Variants in LEPR observed in about 807,000 individuals in gnomAD.
The protein encoded by LEPR is leptin receptor, also known as OB receptor.
Under a neutral mutation model 114.7 loss-of-function variants are expected in LEPR, and 56 were observed. That is an observed-to-expected ratio of 0.49 (90% CI 0.39 to 0.61). The LOEUF (loss-of-function observed/expected upper bound fraction) is 0.61, where lower values mean the gene tolerates loss of function less well. LEPR is among the 20% of genes least tolerant of loss of function. LEPR has a pLI of 0.00. For synonymous variants in LEPR, 443 were observed against 461.4 expected (o/e 0.96, Z 0.51); for missense variants, 1,202 against 1,352.9 (o/e 0.89, Z 1.75).
At chr1:65,608,944 T>G in intron 12 of LEPR, 43 bp downstream of exon 12, 1 of 1,609,596 alleles carries the variant, frequency 6.2e-7, no homozygotes, top group South Asian at 1.1e-5. Flanking sequence ...TTAAATGCTA[T>G]TTTTATAATA....
intron 19 of LEPR, chr1:65,629,259 G>C: frequency 3.1e-6 from 1 of 325,724 alleles, no homozygotes; most frequent in Non-Finnish European, 5.9e-6. Context: ...AAAAACATTA[G>C]CACTCTTACG....
intron 19 of LEPR, among the ~76,000 whole-genome samples, chr1:65,624,096 G>A (rs1476820979): frequency 6.6e-6 from 1 of 152,042 alleles, no homozygotes; most frequent in East Asian, 1.9e-4. Context: ...TCCTCCTGCT[G>A]TTCTTTATGT....
intron 7 of LEPR, 147 bp from the exon 8 acceptor site, chr1:65,598,513 T>C (rs1656233161): frequency 8.3e-7 from 1 of 1,205,996 alleles, no homozygotes; most frequent in African/African-American, 1.5e-5. Context: ...TTTTGGTTAT[T>C]GATGTTTGTT....
intron 6 of LEPR, among the ~76,000 whole-genome samples, chr1:65,595,102 T>G (rs1570775596): frequency 1.3e-5 from 2 of 152,006 alleles, no homozygotes; most frequent in African/African-American, 4.8e-5. Flanking sequence ...AGGGGAAGCT[T>G]GAAAAGACAT....
intron 2 of LEPR, among the ~76,000 whole-genome samples, chr1:65,439,787 C>T (rs1428295880): frequency 7.0e-6 from 1 of 143,836 alleles, no homozygotes; most frequent in African/African-American, 2.6e-5. Flanking sequence ...GAGATCATGC[C>T]ATTGCACTCC....
At chr1:65,550,188 G>A (rs540165691) in intron 2 of LEPR, among the ~76,000 whole-genome samples, 1 of 152,286 alleles carries the variant, frequency 6.6e-6, no homozygotes, top group East Asian at 1.9e-4. Flanking sequence ...TGTCTCAGAG[G>A]AGTACCCGGC....
At chr1:65,498,116 T>A (rs1243187356) in intron 2 of LEPR, among the ~76,000 whole-genome samples, 1 of 152,154 alleles carries the variant, frequency 6.6e-6, no homozygotes, top group Non-Finnish European at 1.5e-5. Context: ...ATTTAGAATT[T>A]ACTTTTTGAT....
chr1:65,635,924 G>T (rs945038024), intron 19 of LEPR, among the ~76,000 whole-genome samples: 11 of 152,134 alleles, frequency 7.2e-5, no homozygotes, highest in African/African-American at 2.4e-4. Context: ...GAAATTGAAA[G>T]GCAGAGAGGT....
intron 5 of LEPR, chr1:65,576,917 C>T (rs1654625720): frequency 1.1e-5 from 4 of 359,980 alleles, no homozygotes; most frequent in South Asian, 2.8e-5. Flanking sequence ...CAGTATCATA[C>T]TGTCCAAGTT....
At chr1:65,598,095 C>CTCTTTTTTTTTTTT (rs1656191961) in intron 7 of LEPR, among the ~76,000 whole-genome samples, 1 of 101,490 alleles carries the variant, frequency 9.9e-6, no homozygotes, top group Non-Finnish European at 1.9e-5. Context: ...CCTCCTGCCT[C>CTCTTTTTTTTTTTT]TTTTTTTTTT....
chr1:65,525,733 G>A (rs2100594819), intron 2 of LEPR: 2 of 986,020 alleles, frequency 2.0e-6, no homozygotes, highest in Non-Finnish European at 1.2e-6. Flanking sequence ...AGAGCCCACG[G>A]CCAGCCGAGC....
chr1:65,515,906 T>C (rs1649262183), intron 2 of LEPR, among the ~76,000 whole-genome samples: 1 of 152,240 alleles, frequency 6.6e-6, no homozygotes, highest in African/African-American at 2.4e-5. Flanking sequence ...ACTTGGTTAG[T>C]TGATATCAAT....
chr1:65,608,315 T>C (rs1313959460), intron 11 of LEPR, among the ~76,000 whole-genome samples: 17 of 151,710 alleles, frequency 1.1e-4, no homozygotes, highest in Non-Finnish European at 2.2e-4. Flanking sequence ...ACTGCAAGCT[T>C]CACCTCCCGG....
rs1047164490 is a variant in LEPR, at chr1:65,579,445, A to G, written c.494+6996A>G. 2.0e-5 allele frequency among the ~76,000 whole-genome samples: 3 copies of G among 152,362 alleles called. No individual in the cohort carries two copies. The South Asian group carries it at 6.2e-4, about 32-fold the overall frequency. ...TAGGCCAATTCCATGAAAAGAGCAC[A>G]GGGTTGGTCTTAAAGAAGGTTTACC... On this transcript the variant is annotated intron_variant, in intron 5 of 19. Coordinates refer to ENST00000349533, the MANE Select transcript of LEPR (RefSeq NM_002303.6).
At chr1:65,602,552 T>G (rs1375504519) in intron 10 of LEPR, among the ~76,000 whole-genome samples, 6 of 152,060 alleles carry the variant, frequency 3.9e-5, no homozygotes, top group Admixed American at 1.3e-4. Flanking sequence ...TCTAAAATCA[T>G]TTTATCTAAA....
intron 10 of LEPR, among the ~76,000 whole-genome samples, chr1:65,602,402 G>A (rs1656505732): frequency 6.6e-6 from 1 of 151,952 alleles, no homozygotes; most frequent in African/African-American, 2.4e-5. Context: ...TTAGAACTGA[G>A]TGAGATTACT....
chr1:65,473,461 C>T (rs1647115828), intron 2 of LEPR, among the ~76,000 whole-genome samples: 1 of 152,016 alleles, frequency 6.6e-6, no homozygotes, highest in Non-Finnish European at 1.5e-5. Context: ...AGTTATTGAC[C>T]CCTAGAAAAT....
chr1:65,523,870 C>A (rs1463134788), intron 2 of LEPR, among the ~76,000 whole-genome samples: 1 of 152,140 alleles, frequency 6.6e-6, no homozygotes, highest in Non-Finnish European at 1.5e-5. Flanking sequence ...CGAGATGAGA[C>A]CATCCTGAAT....
In LEPR at chr1:65,444,040, C is replaced by A. The variant is rs1254812721; in HGVS notation, c.-21+18662C>A. ...GTTACATATGTATACATGTGCCATG[C>A]TGGTGCGCTGCACCCACTAATGTGT... is the stretch of plus-strand genomic sequence containing the variant. On this transcript the variant is annotated intron_variant, in intron 2 of 19. Coordinates refer to ENST00000349533, the MANE Select transcript of LEPR (RefSeq NM_002303.6). 2.2e-5 allele frequency among the ~76,000 whole-genome samples: 2 copies of A among 89,844 alleles called. 1 individual carries two copies. The highest frequency in any genetic ancestry group is 5.2e-5 in the Non-Finnish European group (2 of 38,420). The allele number at this position is 89,844 out of a possible 152,430, so 58.9% of individuals were successfully genotyped here. A position where few individuals can be genotyped will look rare whatever the true frequency, so the allele number is the denominator to read the frequency against.
Sources: gnomAD v4.1 joint callset for allele counts (sites outside exome capture counted in the v4.1 genomes callset) on GRCh38, gnomAD v4.1.1 for gene constraint, MANE v1.5 for transcripts, NCBI Gene and HGNC (gene_info 2026-07-23, HGNC 2026-07-21) for gene names.